RBPJ: variants seen among roughly 807,000 people sequenced by gnomAD.
RBPJ encodes recombination signal binding protein for immunoglobulin kappa J region.
Under a neutral mutation model 67.8 loss-of-function variants are expected in RBPJ, and 9 were observed. That is an observed-to-expected ratio of 0.13 (90% CI 0.08 to 0.23). RBPJ has a LOEUF of 0.23. Ranked by LOEUF, RBPJ falls within the 10% of genes least tolerant of loss-of-function variation. The pLI is 1.00. For missense variants in RBPJ, 305 were observed against 595.6 expected (o/e 0.51, Z 5.08); for synonymous variants, 198 against 203.3 (o/e 0.97, Z 0.22).
chr4:26,136,174 C>G, the RBPJ span, among the ~76,000 whole-genome samples: 1 of 152,198 alleles, frequency 6.6e-6, no homozygotes, highest in Non-Finnish European at 1.5e-5. Context: ...CTGGCCCACC[C>G]TTGACACATA....
At chr4:26,196,705 A>G (rs1487332244) in intron 1 of RBPJ, among the ~76,000 whole-genome samples, 1 of 152,234 alleles carries the variant, frequency 6.6e-6, no homozygotes, top group Non-Finnish European at 1.5e-5. Flanking sequence ...ACAAAATCAC[A>G]TAACAGACAG....
intron 1 of RBPJ, among the ~76,000 whole-genome samples, chr4:26,382,270 T>A (rs542586600): frequency 6.6e-6 from 1 of 152,368 alleles, no homozygotes; most frequent in East Asian, 1.9e-4. Context: ...TATTGATTTA[T>A]AATTCATTAA....
chr4:26,260,050 T>G (rs1188811963), intron 1 of RBPJ, among the ~76,000 whole-genome samples: 1 of 152,244 alleles, frequency 6.6e-6, no homozygotes, highest in Admixed American at 6.5e-5. Flanking sequence ...TCAAACTAGA[T>G]CTTGTTCAGA....
At chr4:26,346,586 G>T (rs1372645962) in intron 1 of RBPJ, among the ~76,000 whole-genome samples, 4 of 152,178 alleles carry the variant, frequency 2.6e-5, no homozygotes, top group African/African-American at 9.7e-5. Context: ...AAAGGAAAAT[G>T]ATTTGGGGCT....
At chr4:26,319,485 C>G (rs1014378044), upstream of RBPJ, among the ~76,000 whole-genome samples, 1 of 151,370 alleles carries the variant, frequency 6.6e-6, no homozygotes, top group African/African-American at 2.4e-5. Flanking sequence ...CGCCCGCGCC[C>G]GCCGCCCGCC....
the RBPJ span, among the ~76,000 whole-genome samples, chr4:26,111,155 C>T: frequency 6.6e-6 from 1 of 152,146 alleles, no homozygotes; most frequent in Non-Finnish European, 1.5e-5. Flanking sequence ...CTCAGACAAC[C>T]ACCACTTGTC....
At chr4:26,211,748 G>T (rs868685665) in intron 1 of RBPJ, among the ~76,000 whole-genome samples, 1 of 152,114 alleles carries the variant, frequency 6.6e-6, no homozygotes, top group African/African-American at 2.4e-5. Context: ...AGGTTAAATT[G>T]TGTCCCTCTC....
intron 1 of RBPJ, among the ~76,000 whole-genome samples, chr4:26,268,878 A>G (rs1434888987): frequency 6.6e-6 from 1 of 152,242 alleles, no homozygotes; most frequent in Non-Finnish European, 1.5e-5. Flanking sequence ...AAAATCTGTT[A>G]GAACAAATTT....
chr4:26,208,150 CT>C (rs1718236334), intron 1 of RBPJ, among the ~76,000 whole-genome samples: 1 of 152,208 alleles, frequency 6.6e-6, no homozygotes, highest in African/African-American at 2.4e-5. Flanking sequence ...TTACTACGTG[CT>C]TGGTGCTACT....
chr4:26,259,084 G>A (rs1041441528), intron 1 of RBPJ, among the ~76,000 whole-genome samples: 3 of 152,076 alleles, frequency 2.0e-5, no homozygotes, highest in Non-Finnish European at 2.9e-5. Flanking sequence ...TTACAGGCGT[G>A]AGCCACCATG....
intron 1 of RBPJ, among the ~76,000 whole-genome samples, chr4:26,341,629 AAAAC>A (rs1243508931): frequency 6.9e-6 from 1 of 145,578 alleles, no homozygotes; most frequent in Non-Finnish European, 1.5e-5. Context: ...AAAACAAAAC[AAAAC>A]AAAAAAAAAC....
At chr4:26,279,314 C>T (rs1477863580) in intron 1 of RBPJ, among the ~76,000 whole-genome samples, 2 of 152,114 alleles carry the variant, frequency 1.3e-5, no homozygotes, top group African/African-American at 2.4e-5. Flanking sequence ...CAGAGTCTTG[C>T]TCTGTCACCA....
intron 2 of RBPJ, among the ~76,000 whole-genome samples, chr4:26,405,201 A>G (rs3109840): frequency 0.028 from 4,294 of 152,312 alleles, 185 homozygotes; most frequent in African/African-American, 0.087. Flanking sequence ...TTGAGGTTAA[A>G]TGATTTGCAC....
intron 1 of RBPJ, among the ~76,000 whole-genome samples, chr4:26,285,008 C>A (rs972468903): frequency 6.6e-6 from 1 of 152,030 alleles, no homozygotes; most frequent in Non-Finnish European, 1.5e-5. Flanking sequence ...AGGTGCCCAC[C>A]ACCACGCCTG....
intron 1 of RBPJ, among the ~76,000 whole-genome samples, chr4:26,382,465 G>A (rs2109609523): frequency 6.6e-6 from 1 of 152,332 alleles, no homozygotes; most frequent in African/African-American, 2.4e-5. Flanking sequence ...TTTTTAATGT[G>A]TATCCCTATG....
Position 26,230,567 on chromosome 4 carries a change from T to C in RBPJ, c.-167+66953T>C, listed in dbSNP as rs60610153. On this transcript the variant is annotated intron_variant, in intron 1 of 4. Coordinates refer to the RBPJ transcript ENST00000512351. ...TAGTGAATAAGTGGCAGAGCCAGGG[T>C]TGGACCTTGAAAGACTAACTCCAAT... Among the ~76,000 whole-genome samples, 937 of 152,310 alleles carry C rather than the reference T, an allele frequency of 6.2e-3. 12 individuals carry two copies. Among genetic ancestry groups the C allele is most frequent in the African/African-American group, 0.022 (909 of 41,564 alleles).
rs148828883 is a variant in RBPJ at position 26,372,530 on chromosome 4, A to G, written c.21-13823A>G. On this transcript the variant is annotated intron_variant, in intron 1 of 10. Coordinates refer to ENST00000355476, the MANE Select transcript of RBPJ (RefSeq NM_015874.6). ...TACAATTTGAGTTCATACATAGCAT[A>G]GCAAAGTATCAAGTAAATACATAAC... is the stretch of plus-strand genomic sequence containing the variant. 3.4e-3 allele frequency among the ~76,000 whole-genome samples: 525 copies of G among 152,356 alleles called. 4 individuals carry two copies. Among genetic ancestry groups the G allele is most frequent in the African/African-American group, 0.012 (506 of 41,588 alleles).
At chr4:26,164,585 T>C (rs1716193109) in intron 1 of RBPJ, among the ~76,000 whole-genome samples, 1 of 152,234 alleles carries the variant, frequency 6.6e-6, no homozygotes, top group Non-Finnish European at 1.5e-5. Flanking sequence ...GGTAGAATAA[T>C]GTTTCACACA....
chr4:26,374,769 C>T (rs529318632), intron 1 of RBPJ, among the ~76,000 whole-genome samples: 2 of 152,294 alleles, frequency 1.3e-5, no homozygotes, highest in East Asian at 3.9e-4. Flanking sequence ...TGCCCGGCCC[C>T]TGGCACTCTT....
Sources: allele counts gnomAD v4.1 joint callset (sites outside exome capture counted in the v4.1 genomes callset), GRCh38; gene constraint gnomAD v4.1.1; transcripts MANE v1.5; gene names NCBI Gene and HGNC (gene_info 2026-07-23, HGNC 2026-07-21).